The following LEKR1 variants were observed in gnomAD, a reference collection of about 807,000 sequenced individuals.
The protein encoded by LEKR1 is leucine, glutamate and lysine rich 1.
A neutral mutation model predicts 72.4 loss-of-function variants in LEKR1; 59 were observed. The ratio of observed to expected loss-of-function variants is 0.82; its 90% CI spans 0.66 to 1.01. The LOEUF (loss-of-function observed/expected upper bound fraction) is 1.01. Ranked by LOEUF, LEKR1 falls within the 50% of genes least tolerant of loss-of-function variation. The pLI is 0.00. For synonymous variants in LEKR1, 257 were observed against 263.2 expected, an observed-to-expected ratio of 0.98 and a Z score of 0.23; for missense variants, 728 against 759.2, an observed-to-expected ratio of 0.96 and a Z score of 0.48.
At chr3:156,943,489 G>A (rs1206606354) in intron 6 of LEKR1, among the ~76,000 whole-genome samples, 1 of 151,894 alleles carries the variant, frequency 6.6e-6, no homozygotes, top group East Asian at 1.9e-4. Flanking sequence ...TTACAGAGGA[G>A]AGAACCAAGG....
chr3:156,832,659 T>C (rs1259789295), intron 2 of LEKR1, among the ~76,000 whole-genome samples: 5 of 152,198 alleles, frequency 3.3e-5, no homozygotes, highest in Admixed American at 2.6e-4. Flanking sequence ...CCTGTATGAA[T>C]TGGGTGAATT....
intron 1 of LEKR1, chr3:156,827,240 C>T (rs1711741643): frequency 6.6e-6 from 1 of 152,050 alleles, no homozygotes; most frequent in African/African-American, 2.4e-5. Flanking sequence ...TTTTAAAGAC[C>T]TAGGAATGCT....
chr3:156,997,068 A>G (rs868104201), intron 9 of LEKR1, among the ~76,000 whole-genome samples: 1 of 151,926 alleles, frequency 6.6e-6, no homozygotes, highest in African/African-American at 2.4e-5. Context: ...TTCATTTAAA[A>G]AAAAAAAAAA....
chr3:156,984,910 A>G (rs1185255746), intron 7 of LEKR1, among the ~76,000 whole-genome samples: 3 of 151,892 alleles, frequency 2.0e-5, no homozygotes, highest in African/African-American at 7.3e-5. Context: ...CAGTTGACCA[A>G]TCTGTTCTTG....
At chr3:156,899,157 G>A (rs1721510086) in intron 3 of LEKR1, among the ~76,000 whole-genome samples, 1 of 151,110 alleles carries the variant, frequency 6.6e-6, no homozygotes, top group African/African-American at 2.4e-5. Flanking sequence ...TTGCTTTCAG[G>A]TTTTCATATG....
At chr3:157,011,942 G>C (rs1373196512) in intron 10 of LEKR1, among the ~76,000 whole-genome samples, 2 of 151,960 alleles carry the variant, frequency 1.3e-5, no homozygotes, top group Non-Finnish European at 2.9e-5. Flanking sequence ...CCCTGACAAA[G>C]TAAAATGAAT....
At chr3:156,999,960 T>C (rs1731882684) in intron 9 of LEKR1, among the ~76,000 whole-genome samples, 1 of 152,252 alleles carries the variant, frequency 6.6e-6, no homozygotes, top group South Asian at 2.1e-4. Context: ...TTCTCTTCTC[T>C]ACTGTTTGCA....
intron 9 of LEKR1, among the ~76,000 whole-genome samples, chr3:156,999,072 C>A (rs1731814334): frequency 6.6e-6 from 1 of 152,138 alleles, no homozygotes; most frequent in Non-Finnish European, 1.5e-5. Flanking sequence ...GCCCGGCACT[C>A]ACTCCATCCT....
intron 3 of LEKR1, among the ~76,000 whole-genome samples, chr3:156,871,116 C>T (rs538205842): frequency 6.6e-6 from 1 of 151,862 alleles, no homozygotes; most frequent in East Asian, 1.9e-4. Context: ...CTCCCCCCAA[C>T]CCACAACAGT....
At chr3:157,014,157 A>G (rs1733121145) in intron 10 of LEKR1, among the ~76,000 whole-genome samples, 1 of 152,116 alleles carries the variant, frequency 6.6e-6, no homozygotes, top group African/African-American at 2.4e-5. Context: ...TCCTATAGCC[A>G]CACTGCTTAC....
chr3:156,997,870 G>A (rs1281605934), intron 9 of LEKR1, among the ~76,000 whole-genome samples: 1 of 152,212 alleles, frequency 6.6e-6, no homozygotes, highest in African/African-American at 2.4e-5. Context: ...CTATTTATTT[G>A]GGCATTGCTA....
intron 9 of LEKR1, among the ~76,000 whole-genome samples, chr3:157,006,024 A>T (rs1732397845): frequency 6.7e-6 from 1 of 148,716 alleles, no homozygotes; most frequent in Non-Finnish European, 1.5e-5. Context: ...TTTGAGACGG[A>T]GTCTCGCTCT....
rs376403438 is a variant in LEKR1 at position 156,901,087 on chromosome 3, A to G, written c.264-19488A>G. Among the ~76,000 whole-genome samples the G allele has an allele frequency of 2.6e-4, 40 of 151,742 alleles. 3 individuals are homozygous for G. The South Asian group carries it at 7.5e-3, about 28-fold the overall frequency. ...TGATTGTCCCACTGCAGCCTCGCCA[A>G]CCCCAGTAGCTGGGATTATACGTAT... On this transcript the variant is annotated intron_variant, in intron 3 of 12. Coordinates refer to ENST00000356539, the MANE Select transcript of LEKR1 (RefSeq NM_001004316.3).
intron 10 of LEKR1, among the ~76,000 whole-genome samples, chr3:157,016,000 T>C (rs1733289467): frequency 1.3e-5 from 2 of 151,670 alleles, no homozygotes; most frequent in African/African-American, 4.8e-5. Context: ...GACACAGCAA[T>C]AGAAAAACTT....
At chr3:156,929,471 C>T (rs1725008235) in intron 5 of LEKR1, among the ~76,000 whole-genome samples, 1 of 152,066 alleles carries the variant, frequency 6.6e-6, no homozygotes, top group African/African-American at 2.4e-5. Flanking sequence ...ATTAATTCTC[C>T]ATGAAGTCAG....
chr3:157,006,531 A>C (rs1379915086), intron 9 of LEKR1, among the ~76,000 whole-genome samples: 2 of 152,220 alleles, frequency 1.3e-5, no homozygotes, highest in Non-Finnish European at 2.9e-5. Flanking sequence ...GAAACCATAT[A>C]TCAATACAAA....
intron 3 of LEKR1, among the ~76,000 whole-genome samples, chr3:156,878,381 A>T (rs1194207941): frequency 6.6e-6 from 1 of 152,168 alleles, no homozygotes; most frequent in East Asian, 1.9e-4. Context: ...TTCATTGTTG[A>T]CCCAAAGATC....
chr3:156,952,065 A>G (rs1043883155), intron 6 of LEKR1, among the ~76,000 whole-genome samples: 1 of 151,570 alleles, frequency 6.6e-6, no homozygotes, highest in African/African-American at 2.4e-5. Context: ...AATAGTCAAA[A>G]TGATATATAG....
intron 3 of LEKR1, among the ~76,000 whole-genome samples, chr3:156,875,919 C>T (rs951560595): frequency 1.0e-4 from 15 of 147,058 alleles, no homozygotes; most frequent in Non-Finnish European, 1.6e-4. Flanking sequence ...GGCATGAACC[C>T]GGGGGGCAGA....
Sources: allele counts gnomAD v4.1 joint callset (sites outside exome capture counted in the v4.1 genomes callset), GRCh38; gene constraint gnomAD v4.1.1; transcripts MANE v1.5; gene names NCBI Gene and HGNC (gene_info 2026-07-23, HGNC 2026-07-21).